The following STK32B variants were observed in gnomAD, a reference collection of about 807,000 sequenced individuals.
STK32B encodes the protein serine/threonine-protein kinase 32B.
In STK32B, 43 loss-of-function variants were observed where a neutral mutation model predicts 52.6. The ratio of observed to expected loss-of-function variants is 0.82; its 90% CI spans 0.64 to 1.05. The LOEUF is 1.05. STK32B is among the 50% of genes least tolerant of loss of function. STK32B has a pLI of 0.00. For missense variants in STK32B, 621 were observed against 534.6 expected, an observed-to-expected ratio of 1.16 and a Z score of -1.59; for synonymous variants, 238 against 204.3, an observed-to-expected ratio of 1.17 and a Z score of -1.41.
At chr4:5,450,392 C>T (rs895399817) in intron 7 of STK32B, among the ~76,000 whole-genome samples, 1 of 151,572 alleles carries the variant, frequency 6.6e-6, no homozygotes, top group Non-Finnish European at 1.5e-5. Context: ...TCCCAACAAA[C>T]CTCAAAGTCT....
chr4:5,159,478 A>G (rs1043959780), intron 2 of STK32B, among the ~76,000 whole-genome samples: 2 of 145,974 alleles, frequency 1.4e-5, no homozygotes, highest in Non-Finnish European at 3.0e-5. Context: ...ACACACATAT[A>G]TATGAATACA....
At chr4:5,210,914 G>A (rs1208355946) in intron 3 of STK32B, among the ~76,000 whole-genome samples, 1 of 151,508 alleles carries the variant, frequency 6.6e-6, no homozygotes. Context: ...TCCCACCTCA[G>A]CCCCATGAGT....
intron 2 of STK32B, among the ~76,000 whole-genome samples, chr4:5,157,214 A>G (rs778387636): frequency 1.3e-5 from 2 of 151,588 alleles, no homozygotes; most frequent in Non-Finnish European, 2.9e-5. Context: ...GCATGCTGGA[A>G]TGCCTGGCAG....
chr4:5,146,944 T>C (rs891986001), intron 2 of STK32B, among the ~76,000 whole-genome samples: 4 of 152,172 alleles, frequency 2.6e-5, no homozygotes, highest in Non-Finnish European at 5.9e-5. Flanking sequence ...TTATCAATTC[T>C]ACAAAAAACT....
Position 5,051,607 on chromosome 4 carries a change from C to T in STK32B, c.-257C>T, listed in dbSNP as rs907868132. On this transcript the variant is annotated 5_prime_UTR_variant, in exon 1 of 12. Coordinates refer to ENST00000282908, the MANE Select transcript of STK32B (RefSeq NM_018401.3). ...CCCGGGCGGGCACTGGAGTAAGGAG[C>T]TGCGAGCGCAGCCCGAGGCGGGGCA... The T allele has an allele frequency of 8.1e-6, 4 of 492,812 alleles. No individual in the cohort carries two copies. In the African/African-American group the frequency reaches 8.3e-5, roughly 10 times the overall value. 30.5% of individuals were successfully genotyped at this position (492,812 alleles called of 1,614,324 possible).
At chr4:5,282,320 C>G (rs1342636611) in intron 3 of STK32B, among the ~76,000 whole-genome samples, 3 of 152,112 alleles carry the variant, frequency 2.0e-5, no homozygotes. Flanking sequence ...TCTCAAGTCC[C>G]TTATATAAAA....
chr4:5,285,764 G>A (rs1178904267), intron 3 of STK32B, among the ~76,000 whole-genome samples: 1 of 152,106 alleles, frequency 6.6e-6, no homozygotes. Flanking sequence ...AGAAATTCAA[G>A]CTAATGGAGA....
At chr4:5,367,261 C>T (rs553881111) in intron 4 of STK32B, among the ~76,000 whole-genome samples, 1 of 152,254 alleles carries the variant, frequency 6.6e-6, no homozygotes, top group African/African-American at 2.4e-5. Context: ...CACAGGGCAG[C>T]TCCAGGATAG....
Position 5,466,690 on chromosome 4 carries a change from T to A in STK32B, c.910-13T>A. Reference sequence around the variant, plus strand: ...CGCAGACAGACCATGTTTTCTTTTCTACTCCCCTTTAGAAAGGGAGGTTGA... The same window carrying A: ...CGCAGACAGACCATGTTTTCTTTTCAACTCCCCTTTAGAAAGGGAGGTTGA... On this transcript the variant is annotated splice_polypyrimidine_tract_variant and intron_variant, in intron 9 of 11. Coordinates refer to ENST00000282908, the MANE Select transcript of STK32B (RefSeq NM_018401.3). 2 of 1,607,350 alleles carry A rather than the reference T, an allele frequency of 1.2e-6. No individual in the cohort carries two copies.
In STK32B at chr4:5,260,105, G is replaced by A. The variant is rs13123208; in HGVS notation, c.261-71115G>A. Among the ~76,000 whole-genome samples the A allele has an allele frequency of 6.5e-3, 989 of 151,852 alleles. 4 individuals are homozygous for A. The highest frequency in any genetic ancestry group is 0.011 in the Non-Finnish European group (734 of 67,938). On this transcript the variant is annotated intron_variant, in intron 3 of 11. Coordinates refer to ENST00000282908, the MANE Select transcript of STK32B (RefSeq NM_018401.3). ...CACACACACACACGCACACGTGCACGCACACACACACGGAGCCGTACACAC... is the reference window on the plus strand; with the variant it reads ...CACACACACACACGCACACGTGCACACACACACACACGGAGCCGTACACAC...
chr4:5,489,707 G>A (rs145026905), intron 11 of STK32B, among the ~76,000 whole-genome samples: 2,450 of 151,576 alleles, frequency 0.016, 74 homozygotes, highest in African/African-American at 0.056. Flanking sequence ...TGCAACCTCC[G>A]CCTCCCAGGT....
chr4:5,260,255 T>C (rs1174451709), intron 3 of STK32B, among the ~76,000 whole-genome samples: 1 of 152,144 alleles, frequency 6.6e-6, no homozygotes, highest in East Asian at 1.9e-4. Flanking sequence ...TTAACAAATG[T>C]CCATTAATCT....
At chr4:5,445,475 G>A (rs550240773) in intron 6 of STK32B, among the ~76,000 whole-genome samples, 5 of 152,210 alleles carry the variant, frequency 3.3e-5, no homozygotes, top group Admixed American at 2.0e-4. Context: ...AGCCCACATA[G>A]ACAATTAGAC....
intron 3 of STK32B, among the ~76,000 whole-genome samples, chr4:5,246,426 G>A (rs188942479): frequency 6.6e-6 from 1 of 152,162 alleles, no homozygotes; most frequent in Non-Finnish European, 1.5e-5. Context: ...AGCTCCATCA[G>A]CTACTTTAAG....
intron 11 of STK32B, among the ~76,000 whole-genome samples, chr4:5,491,896 C>T (rs953295556): frequency 1.4e-4 from 21 of 152,180 alleles, no homozygotes; most frequent in Non-Finnish European, 1.8e-4. Flanking sequence ...TGTAGATATG[C>T]GGAGTTATTT....
At chr4:5,483,339 T>C (rs1371123063) in intron 11 of STK32B, among the ~76,000 whole-genome samples, 31 of 152,140 alleles carry the variant, frequency 2.0e-4, no homozygotes, top group African/African-American at 7.0e-4. Context: ...TCCAGGAATT[T>C]ATCCATTTCT....
intron 4 of STK32B, among the ~76,000 whole-genome samples, chr4:5,334,397 T>C (rs1438137486): frequency 9.9e-5 from 15 of 152,172 alleles, no homozygotes; most frequent in African/African-American, 3.1e-4. Context: ...TGGGGTTTTC[T>C]AGGTATACAA....
intron 5 of STK32B, among the ~76,000 whole-genome samples, chr4:5,415,744 T>G (rs1313320170): frequency 1.3e-5 from 2 of 152,062 alleles, no homozygotes; most frequent in Non-Finnish European, 2.9e-5. Flanking sequence ...GTGCTGGCAG[T>G]TGAGTCTGAG....
the STK32B span, among the ~76,000 whole-genome samples, chr4:5,023,942 T>A: frequency 6.6e-6 from 1 of 152,182 alleles, no homozygotes. Context: ...GCCTTTCCTA[T>A]GTCAGTTAGG....
Sources: gnomAD v4.1 joint callset for allele counts (sites outside exome capture counted in the v4.1 genomes callset) on GRCh38, gnomAD v4.1.1 for gene constraint, MANE v1.5 for transcripts, NCBI Gene and HGNC (gene_info 2026-07-23, HGNC 2026-07-21) for gene names.